TACR1: variants seen among roughly 807,000 people sequenced by gnomAD.
TACR1 encodes the protein substance-P receptor.
TACR1 carries 25 observed loss-of-function variants against 35.8 expected under a neutral mutation model. The ratio of observed to expected loss-of-function variants is 0.70; its 90% CI spans 0.51 to 0.98. The LOEUF is 0.98. Among genes scored for constraint, TACR1 ranks in the 50% least tolerant of loss-of-function variants. The probability of loss-of-function intolerance (pLI) is 0.00; values close to 1 mark genes in which losing one functional copy is unlikely to be tolerated. For synonymous variants in TACR1, 195 were observed against 206.7 expected (o/e 0.94, Z 0.48); for missense variants, 478 against 522.9 (o/e 0.91, Z 0.84).
intron 2 of TACR1, among the ~76,000 whole-genome samples, chr2:75,082,710 G>A (rs1358754308): frequency 1.3e-5 from 2 of 152,216 alleles, no homozygotes; most frequent in Non-Finnish European, 2.9e-5. Flanking sequence ...TCTTTTGGCT[G>A]CATAAATGTC....
chr2:75,182,658 T>G (rs1675586918), intron 1 of TACR1, among the ~76,000 whole-genome samples: 1 of 152,228 alleles, frequency 6.6e-6, no homozygotes, highest in Non-Finnish European at 1.5e-5. Context: ...CTTACCATTG[T>G]GTTCCAAATT....
rs1178018058 is a variant in TACR1, at chr2:75,048,087, T to G, written c.*1345A>C. On this transcript the variant is annotated 3_prime_UTR_variant, in exon 5 of 5. Coordinates refer to ENST00000305249, the MANE Select transcript of TACR1 (RefSeq NM_001058.4). ...AAGACTGACTGTCCTTTAGGGTTGA[T>G]GAGTCATTCTACCCCTTAGAGACAG... 2 of 152,252 alleles carry G rather than the reference T, an allele frequency of 1.3e-5. No homozygotes were observed. The highest frequency in any genetic ancestry group is 2.9e-5 in the Non-Finnish European group (2 of 68,056). 9.4% of individuals were successfully genotyped at this position (152,252 alleles called of 1,614,324 possible).
chr2:75,109,869 C>T (rs964539383), intron 2 of TACR1, among the ~76,000 whole-genome samples: 2 of 152,020 alleles, frequency 1.3e-5, no homozygotes, highest in Admixed American at 6.6e-5. Context: ...TAGTAAGGGA[C>T]ACGGAAAGTA....
intron 2 of TACR1, among the ~76,000 whole-genome samples, chr2:75,101,930 T>TGAG (rs1270142162): frequency 2.0e-5 from 3 of 151,838 alleles, no homozygotes; most frequent in East Asian, 3.9e-4. Flanking sequence ...AGTGATGGAG[T>TGAG]GAGACTCTGT....
intron 1 of TACR1, chr2:75,154,424 A>G (rs1469990044): frequency 0.023 from 1,886 of 81,210 alleles, 143 homozygotes; most frequent in African/African-American, 0.034. Flanking sequence ...ACACACACAC[A>G]CACACACACA....
At chr2:75,163,325 G>C (rs1250069026) in intron 1 of TACR1, among the ~76,000 whole-genome samples, 3 of 152,104 alleles carry the variant, frequency 2.0e-5, no homozygotes, top group Non-Finnish European at 4.4e-5. Flanking sequence ...TTCCTTTTGG[G>C]CTCAAGTTCT....
chr2:75,177,686 C>T (rs1675459042), intron 1 of TACR1, among the ~76,000 whole-genome samples: 1 of 152,212 alleles, frequency 6.6e-6, no homozygotes, highest in African/African-American at 2.4e-5. Flanking sequence ...TCACTCCTCA[C>T]ATATGCCCTT....
intron 1 of TACR1, among the ~76,000 whole-genome samples, chr2:75,172,810 G>T (rs528960993): frequency 8.5e-5 from 13 of 152,212 alleles, no homozygotes; most frequent in African/African-American, 2.9e-4. Context: ...GGCAGAGTTG[G>T]TTCCTTCAGA....
chr2:75,153,378 A>C (rs532383614), intron 1 of TACR1, among the ~76,000 whole-genome samples: 185 of 140,260 alleles, frequency 1.3e-3, no homozygotes, highest in African/African-American at 4.6e-3. Context: ...ACTGCTTCTC[A>C]GAAGATAGTC....
At chr2:75,118,057 A>T (rs1389749438) in intron 2 of TACR1, among the ~76,000 whole-genome samples, 4 of 152,164 alleles carry the variant, frequency 2.6e-5, no homozygotes, top group Non-Finnish European at 4.4e-5. Context: ...TCCAAAACAC[A>T]CACTCTTCTA....
chr2:75,171,728 T>C (rs1382636033), intron 1 of TACR1, among the ~76,000 whole-genome samples: 1 of 152,236 alleles, frequency 6.6e-6, no homozygotes, highest in Non-Finnish European at 1.5e-5. Flanking sequence ...ACTGCCTTGC[T>C]GGATTTTGGA....
At position 75,154,406 on chromosome 2, in the gene TACR1, G is replaced by GCGCGCGCA. The variant is rs1264139655; in HGVS notation, c.390-33639_390-33638insTGCGCGCG. On this transcript the variant is annotated intron_variant, in intron 1 of 4. Coordinates refer to ENST00000305249, the MANE Select transcript of TACR1 (RefSeq NM_001058.4). ...CAGGGAGATAATCAGCCAAGAGCGCGCACGCACACACACACACACACACAC... is the reference window on the plus strand; with the variant it reads ...CAGGGAGATAATCAGCCAAGAGCGCGCGCGCGCACACGCACACACACACACACACACAC... 4.2e-4 allele frequency: 33 copies of GCGCGCGCA among 78,546 alleles called. 3 individuals are homozygous for GCGCGCGCA. The highest frequency in any genetic ancestry group is 1.5e-3 in the Admixed American group (12 of 7,856). The allele number at this position is 78,546 out of a possible 1,614,324, so 4.9% of individuals were successfully genotyped here. A position where few individuals can be genotyped will look rare whatever the true frequency, so the allele number is the denominator to read the frequency against.
At chr2:75,074,064 A>G (rs886250532) in intron 2 of TACR1, among the ~76,000 whole-genome samples, 3 of 152,234 alleles carry the variant, frequency 2.0e-5, no homozygotes, top group African/African-American at 7.2e-5. Flanking sequence ...TAAAGCATAC[A>G]TACCAGAATT....
intron 2 of TACR1, among the ~76,000 whole-genome samples, chr2:75,081,429 T>C (rs1673084324): frequency 6.6e-6 from 1 of 152,284 alleles, no homozygotes; most frequent in East Asian, 1.9e-4. Flanking sequence ...ATGCTGAAAT[T>C]CCCTGGAGCC....
chr2:75,176,012 CAAA>C lies in TACR1; in HGVS notation c.389+22531_389+22533del, dbSNP rs34884122. Among the ~76,000 whole-genome samples the C allele has an allele frequency of 1.4e-3, 158 of 109,564 alleles. 1 individual carries two copies. In the South Asian group the frequency reaches 0.018, roughly 13 times the overall value. The allele number at this position is 109,564 out of a possible 152,430, so 71.9% of individuals were successfully genotyped here. A position where few individuals can be genotyped will look rare whatever the true frequency, so the allele number is the denominator to read the frequency against. On this transcript the variant is annotated intron_variant, in intron 1 of 4. Coordinates refer to ENST00000305249, the MANE Select transcript of TACR1 (RefSeq NM_001058.4). ...CATGGCTCACTATGTTTGAGCTGTC[CAAA>C]AAAAAAAAAAAAAAAAAGGAAACAG...
intron 2 of TACR1, among the ~76,000 whole-genome samples, chr2:75,118,149 T>C (rs1233108722): frequency 6.6e-6 from 1 of 152,242 alleles, no homozygotes; most frequent in African/African-American, 2.4e-5. Context: ...CAATCATTTC[T>C]TCTAAAAGAA....
intron 1 of TACR1, among the ~76,000 whole-genome samples, chr2:75,176,327 T>A (rs999701754): frequency 4.7e-5 from 7 of 148,010 alleles, no homozygotes; most frequent in Non-Finnish European, 9.0e-5. Flanking sequence ...CATTATACAT[T>A]TTTTTTTTTT....
intron 1 of TACR1, among the ~76,000 whole-genome samples, chr2:75,159,345 A>G (rs994795579): frequency 6.6e-6 from 1 of 152,204 alleles, no homozygotes; most frequent in Non-Finnish European, 1.5e-5. Context: ...GTAAATAATT[A>G]TGAATTAATT....
At chr2:75,193,395 G>T (rs1436351767) in intron 1 of TACR1, among the ~76,000 whole-genome samples, 2 of 152,182 alleles carry the variant, frequency 1.3e-5, no homozygotes, top group South Asian at 2.1e-4. Flanking sequence ...TGCTGATATT[G>T]TCTCTTTGAT....
Sources: gnomAD v4.1 joint callset for allele counts (sites outside exome capture counted in the v4.1 genomes callset) on GRCh38, gnomAD v4.1.1 for gene constraint, MANE v1.5 for transcripts, NCBI Gene and HGNC (gene_info 2026-07-23, HGNC 2026-07-21) for gene names.